The following RUNX1 variants were observed in gnomAD, a reference collection of about 807,000 sequenced individuals.
RUNX1 encodes RUNX family transcription factor 1.
A neutral mutation model predicts 42.8 loss-of-function variants in RUNX1; 19 were observed. The observed-to-expected ratio is 0.44, with a 90% CI of 0.31 to 0.65. RUNX1 has a LOEUF of 0.65. Ranked by LOEUF, RUNX1 falls within the 30% of genes least tolerant of loss-of-function variation. RUNX1 has a pLI of 0.07. For synonymous variants in RUNX1, 271 were observed against 289.4 expected (o/e 0.94, Z 0.64); for missense variants, 528 against 672.0 (o/e 0.79, Z 2.37).
chr21:34,952,444 C>A (rs2058615552), intron 2 of RUNX1, among the ~76,000 whole-genome samples: 1 of 152,006 alleles, frequency 6.6e-6, no homozygotes, highest in East Asian at 1.9e-4. Flanking sequence ...ATGGAATTGG[C>A]CTGTCATTAT....
chr21:34,834,502 A>G lies in RUNX1; in HGVS notation c.713T>C (p.Val238Ala). 2 of 1,612,878 alleles carry G rather than the reference A, an allele frequency of 1.2e-6. No homozygotes were observed. The highest frequency in any genetic ancestry group is 1.7e-6 in the Non-Finnish European group (2 of 1,179,868). Residue 238 changes from valine to alanine, a missense_variant, in exon 7 of 9, where the codon GTC (valine) becomes GCC (alanine). Val to Ala is a moderately conservative substitution (Grantham distance 64). This residue lies in a region of RUNX1 where 331 missense variants were observed against 382.5 expected (regional missense o/e 0.87). Coordinates refer to ENST00000675419, the MANE Select transcript of RUNX1 (RefSeq NM_001754.5). ...LEQLRRTAMR[V>A]SPHHPAPTPN... is the part of the protein sequence containing the mutation. ...CGTGGGGGCTGGGTGGTGTGGGCTG[A>G]CCCTCATGGCTGTGCGCCGCAGCTG...
intron 2 of RUNX1, among the ~76,000 whole-genome samples, chr21:35,004,828 G>C (rs1246532238): frequency 6.6e-6 from 1 of 152,134 alleles, no homozygotes; most frequent in African/African-American, 2.4e-5. Context: ...TCTGTCTTGT[G>C]ATCCCAGCTT....
At chr21:34,887,227 T>A (rs1250296393) in intron 3 of RUNX1, 131 bp from the exon 4 acceptor site, 97 of 689,858 alleles carry the variant, frequency 1.4e-4, no homozygotes, top group Admixed American at 6.9e-4. Flanking sequence ...CAGGGGCCTT[T>A]ATTACTGCGG....
At chr21:34,851,515 G>A (rs1461608614) in intron 6 of RUNX1, among the ~76,000 whole-genome samples, 1 of 152,186 alleles carries the variant, frequency 6.6e-6, no homozygotes, top group Non-Finnish European at 1.5e-5. Flanking sequence ...GAAAACCCAG[G>A]TCCCTAAATT....
In RUNX1 at chr21:35,041,648, TTTTC is replaced by T. The variant is rs898969905; in HGVS notation, c.58+7190_58+7193del. On this transcript the variant is annotated intron_variant, in intron 2 of 8. Coordinates refer to ENST00000675419, the MANE Select transcript of RUNX1 (RefSeq NM_001754.5). The stretch of plus-strand genomic sequence containing the variant: ...TTTTCATTCATCCTTTCTTTCTTCT[TTTTC>T]TTTCTTTCTTTTTTTTTTTTTTTTT... Among the ~76,000 whole-genome samples the T allele has an allele frequency of 7.8e-5, 11 of 140,176 alleles. 1 individual carries two copies. Among genetic ancestry groups the T allele is most frequent in the South Asian group, 4.2e-4 (2 of 4,722 alleles). The allele number at this position is 140,176 out of a possible 152,430, so 92.0% of individuals were successfully genotyped here. A position where few individuals can be genotyped will look rare whatever the true frequency, so the allele number is the denominator to read the frequency against.
chr21:34,918,641 G>A (rs2058330433), intron 2 of RUNX1, among the ~76,000 whole-genome samples: 1 of 152,220 alleles, frequency 6.6e-6, no homozygotes, highest in African/African-American at 2.4e-5. Context: ...CGGGCGTGGT[G>A]GCTCACGCCT....
intron 2 of RUNX1, among the ~76,000 whole-genome samples, chr21:35,047,378 T>A (rs2059403614): frequency 6.6e-6 from 1 of 152,246 alleles, no homozygotes; most frequent in African/African-American, 2.4e-5. Flanking sequence ...CTAACGCACG[T>A]CTGCATGATT....
chr21:34,801,488 T>G (rs1402395495), intron 7 of RUNX1, among the ~76,000 whole-genome samples: 2 of 152,240 alleles, frequency 1.3e-5, no homozygotes, highest in Non-Finnish European at 2.9e-5. Context: ...TAAAATGATC[T>G]TTATGATTAA....
At chr21:35,043,469 G>T (rs1355100968) in intron 2 of RUNX1, among the ~76,000 whole-genome samples, 1 of 152,120 alleles carries the variant, frequency 6.6e-6, no homozygotes, top group East Asian at 1.9e-4. Context: ...ACGAAAATGA[G>T]GGAAAATATC....
At chr21:35,025,083 G>A (rs915182410) in intron 2 of RUNX1, among the ~76,000 whole-genome samples, 3 of 152,218 alleles carry the variant, frequency 2.0e-5, no homozygotes, top group African/African-American at 4.8e-5. Context: ...TAATGGTGCT[G>A]TTAGAATGGT....
chr21:34,948,698 C>T (rs1391009790), intron 2 of RUNX1, among the ~76,000 whole-genome samples: 1 of 152,168 alleles, frequency 6.6e-6, no homozygotes, highest in African/African-American at 2.4e-5. Context: ...CACTTACAGC[C>T]CATCTCCAGG....
chr21:34,830,583 C>G (rs930800864), intron 7 of RUNX1, among the ~76,000 whole-genome samples: 1 of 152,142 alleles, frequency 6.6e-6, no homozygotes, highest in Non-Finnish European at 1.5e-5. Context: ...GATCCTTGAC[C>G]CAAGAGTGCA....
At chr21:34,906,830 C>A (rs1231905618) in intron 2 of RUNX1, among the ~76,000 whole-genome samples, 4 of 152,166 alleles carry the variant, frequency 2.6e-5, no homozygotes. Context: ...AAACACAGAA[C>A]CCAGATAGAT....
intron 2 of RUNX1, among the ~76,000 whole-genome samples, chr21:35,014,888 T>C (rs983696562): frequency 5.9e-5 from 9 of 152,228 alleles, no homozygotes; most frequent in African/African-American, 2.2e-4. Context: ...TGGCAGCACA[T>C]GGTGATGCTC....
At chr21:35,019,243 T>C (rs1475648812) in intron 2 of RUNX1, among the ~76,000 whole-genome samples, 1 of 152,240 alleles carries the variant, frequency 6.6e-6, no homozygotes, top group Admixed American at 6.5e-5. Context: ...CCTGGATACC[T>C]TTCCCTGTTC....
rs2145859795 is a variant in RUNX1, at chr21:34,789,074, G to A, written c.*3061C>T. The A allele has an allele frequency of 4.3e-6, 1 of 233,292 alleles. No homozygotes were observed. Among genetic ancestry groups the A allele is most frequent in the South Asian group, 1.8e-4 (1 of 5,532 alleles). The allele number at this position is 233,292 out of a possible 1,614,324, so 14.5% of individuals were successfully genotyped here. A position where few individuals can be genotyped will look rare whatever the true frequency, so the allele number is the denominator to read the frequency against. ...TACTCACTGATTGTGATTTGCCCAGGAAAGTTTGCTGGTTTGGACAGCAAG... is the reference window on the plus strand; with the variant it reads ...TACTCACTGATTGTGATTTGCCCAGAAAAGTTTGCTGGTTTGGACAGCAAG... On this transcript the variant is annotated 3_prime_UTR_variant, in exon 9 of 9. Coordinates refer to ENST00000675419, the MANE Select transcript of RUNX1 (RefSeq NM_001754.5).
intron 6 of RUNX1, among the ~76,000 whole-genome samples, chr21:34,841,624 G>A (rs1173055605): frequency 6.6e-6 from 1 of 152,124 alleles, no homozygotes; most frequent in Non-Finnish European, 1.5e-5. Flanking sequence ...TCTTTGCTCC[G>A]GCAGCAGTGG....
chr21:35,010,683 C>T (rs2059120235), intron 2 of RUNX1, among the ~76,000 whole-genome samples: 1 of 151,922 alleles, frequency 6.6e-6, no homozygotes, highest in African/African-American at 2.4e-5. Flanking sequence ...AGGAAACTAC[C>T]CCAGGCCATT....
chr21:34,846,377 A>T (rs897162334), intron 6 of RUNX1, among the ~76,000 whole-genome samples: 2 of 149,778 alleles, frequency 1.3e-5, no homozygotes, highest in African/African-American at 2.5e-5. Context: ...TCTCAGTCAC[A>T]ATCTTTGTCT....
Sources: allele counts gnomAD v4.1 joint callset (sites outside exome capture counted in the v4.1 genomes callset), GRCh38; gene constraint gnomAD v4.1.1; regional missense constraint gnomAD v4.1.1; transcripts MANE v1.5; gene names NCBI Gene and HGNC (gene_info 2026-07-23, HGNC 2026-07-21).